Variants in NFYC observed in about 807,000 individuals in gnomAD.
NFYC encodes CAAT box DNA-binding protein subunit C.
A neutral mutation model predicts 53.1 loss-of-function variants in NFYC; 25 were observed. The observed-to-expected ratio is 0.47, with a 90% CI of 0.34 to 0.66. The LOEUF is 0.66. Among genes scored for constraint, NFYC ranks in the 30% least tolerant of loss-of-function variants. The pLI is 0.01. For missense variants in NFYC, 260 were observed against 422.7 expected (o/e 0.62, Z 3.38); for synonymous variants, 145 against 152.6 (o/e 0.95, Z 0.37).
intron 1 of NFYC, chr1:40,730,529 T>C (rs1031934337): frequency 7.1e-6 from 7 of 982,988 alleles, no homozygotes; most frequent in Non-Finnish European, 6.0e-6. Context: ...TAAAACAAGG[T>C]ATAGTTGTAA....
chr1:40,699,209 T>C (rs905656298), intron 1 of NFYC, among the ~76,000 whole-genome samples: 5 of 152,028 alleles, frequency 3.3e-5, no homozygotes, highest in African/African-American at 1.2e-4. Context: ...AGATGACTCA[T>C]AGGAAATGAT....
At chr1:40,736,770 G>T (rs954208148) in intron 1 of NFYC, among the ~76,000 whole-genome samples, 1 of 136,682 alleles carries the variant, frequency 7.3e-6, no homozygotes, top group South Asian at 2.4e-4. Context: ...TTCGATTTTG[G>T]ATTTTCAGAT....
intron 1 of NFYC, among the ~76,000 whole-genome samples, chr1:40,708,181 A>T (rs1477075850): frequency 1.3e-5 from 2 of 151,762 alleles, no homozygotes; most frequent in Non-Finnish European, 2.9e-5. Flanking sequence ...GGGCAAAGTG[A>T]CATGCACCTG....
At chr1:40,711,347 T>C (rs1359462179) in intron 1 of NFYC, among the ~76,000 whole-genome samples, 3 of 152,232 alleles carry the variant, frequency 2.0e-5, no homozygotes, top group African/African-American at 7.2e-5. Flanking sequence ...TAAATTTATT[T>C]GTTTGTCATT....
At chr1:40,703,015 C>T (rs770503315) in intron 1 of NFYC, among the ~76,000 whole-genome samples, 1 of 152,044 alleles carries the variant, frequency 6.6e-6, no homozygotes, top group African/African-American at 2.4e-5. Context: ...CGGGGTTTCC[C>T]CATGTTGGCC....
intron 1 of NFYC, among the ~76,000 whole-genome samples, chr1:40,723,037 T>C (rs1644383108): frequency 6.6e-6 from 1 of 152,220 alleles, no homozygotes; most frequent in Non-Finnish European, 1.5e-5. Flanking sequence ...TAATTTGATA[T>C]TCAACCCTCA....
Position 40,726,119 on chromosome 1 carries a change from GTGTGTGTTTT to G in NFYC, c.-8-12715_-8-12706del, listed in dbSNP as rs1323230316. ...TCTGTGTATGTGTTTGTGTGTGTGT[GTGTGTGTTTT>G]TTTTTGAGATGGAGTTTCGCTCCTG... On this transcript the variant is annotated intron_variant, in intron 1 of 9. Transcript: ENST00000447388. Among the ~76,000 whole-genome samples, 4 of 151,484 alleles carry G rather than the reference GTGTGTGTTTT, an allele frequency of 2.6e-5. No individual in the cohort carries two copies. In the East Asian group the frequency reaches 7.8e-4, roughly 29 times the overall value.
intron 1 of NFYC, among the ~76,000 whole-genome samples, chr1:40,702,973 C>T (rs890334071): frequency 3.3e-5 from 5 of 152,064 alleles, no homozygotes; most frequent in Non-Finnish European, 7.4e-5. Flanking sequence ...TGTACCAGCA[C>T]GCCCAGCTAC....
At chr1:40,708,870 T>C (rs1450297026) in intron 1 of NFYC, among the ~76,000 whole-genome samples, 1 of 152,244 alleles carries the variant, frequency 6.6e-6, no homozygotes, top group African/African-American at 2.4e-5. Flanking sequence ...TTGTGCACAT[T>C]GCTTCTCTGG....
chr1:40,701,343 G>A (rs1643424498), intron 1 of NFYC, among the ~76,000 whole-genome samples: 1 of 152,272 alleles, frequency 6.6e-6, no homozygotes, highest in African/African-American at 2.4e-5. Flanking sequence ...TCAAACTCCT[G>A]ACTTCAGTTG....
intron 8 of NFYC, chr1:40,769,083 G>A (rs1646961517): frequency 5.2e-6 from 2 of 387,860 alleles, no homozygotes; most frequent in Non-Finnish European, 9.7e-6. Flanking sequence ...ATGAGTGGGT[G>A]GTTGAGGGAG....
intron 1 of NFYC, among the ~76,000 whole-genome samples, chr1:40,702,662 G>C (rs548578529): frequency 6.6e-6 from 1 of 151,994 alleles, no homozygotes; most frequent in South Asian, 2.1e-4. Context: ...ACTTCTATCA[G>C]ATTATTTTGA....
chr1:40,747,464 A>G lies in NFYC; in HGVS notation c.106-70A>G, dbSNP rs534990398. On this transcript the variant is annotated intron_variant, in intron 2 of 9. Transcript: ENST00000447388. ...GAGGGACCAAGCCAGAGTGTTTCCTACTGCCTGTCATGCTTTGCCACACTG... is the reference window on the plus strand; with the variant it reads ...GAGGGACCAAGCCAGAGTGTTTCCTGCTGCCTGTCATGCTTTGCCACACTG... 1.3e-4 allele frequency: 139 copies of G among 1,046,764 alleles called. No homozygotes were observed. The African/African-American group carries it at 2.0e-3, about 15-fold the overall frequency. 64.8% of individuals were successfully genotyped at this position (1,046,764 alleles called of 1,614,324 possible).
intron 5 of NFYC, among the ~76,000 whole-genome samples, chr1:40,757,087 G>A (rs546286068): frequency 2.6e-5 from 4 of 152,326 alleles, no homozygotes; most frequent in Non-Finnish European, 5.9e-5. Flanking sequence ...TTTCTGGAAC[G>A]TGGCAAACTT....
intron 5 of NFYC, among the ~76,000 whole-genome samples, chr1:40,754,134 G>C (rs776585132): frequency 7.9e-5 from 12 of 151,920 alleles, no homozygotes; most frequent in Non-Finnish European, 1.8e-4. Flanking sequence ...TATTTTTAAT[G>C]AATTATTTCA....
chr1:40,741,889 C>A (rs1645367012), intron 2 of NFYC, among the ~76,000 whole-genome samples: 1 of 151,350 alleles, frequency 6.6e-6, no homozygotes, highest in Non-Finnish European at 1.5e-5. Flanking sequence ...TAGGTGTGAG[C>A]CACCATGCGT....
chr1:40,742,517 A>C (rs564708414), intron 2 of NFYC, among the ~76,000 whole-genome samples: 1 of 152,174 alleles, frequency 6.6e-6, no homozygotes, highest in African/African-American at 2.4e-5. Flanking sequence ...TTTTGGTTCA[A>C]GTTTTGTGGG....
chr1:40,745,230 C>T (rs1645549023), intron 2 of NFYC, among the ~76,000 whole-genome samples: 1 of 152,058 alleles, frequency 6.6e-6, no homozygotes, highest in Admixed American at 6.6e-5. Context: ...CAACTTTGGG[C>T]TTTAGTTAAG....
intron 5 of NFYC, among the ~76,000 whole-genome samples, chr1:40,755,069 T>C (rs1020026706): frequency 5.3e-5 from 8 of 152,208 alleles, no homozygotes; most frequent in African/African-American, 1.9e-4. Flanking sequence ...AGGCTTCAAA[T>C]TGGCTGGCAC....
Sources: gnomAD v4.1 joint callset for allele counts (sites outside exome capture counted in the v4.1 genomes callset) on GRCh38, gnomAD v4.1.1 for gene constraint, MANE v1.5 for transcripts, NCBI Gene and HGNC (gene_info 2026-07-23, HGNC 2026-07-21) for gene names.